LMO4: variants seen among roughly 807,000 people sequenced by gnomAD.
The protein encoded by LMO4 is LIM domain transcription factor LMO4.
In LMO4, 3 loss-of-function variants were observed where a neutral mutation model predicts 18.5. The observed-to-expected ratio is 0.16, with a 90% confidence interval of 0.07 to 0.42. The LOEUF (loss-of-function observed/expected upper bound fraction) is 0.42. Among genes scored for constraint, LMO4 ranks in the 10% least tolerant of loss-of-function variants. The pLI is 0.99. For synonymous variants in LMO4, 100 were observed against 88.1 expected, an observed-to-expected ratio of 1.14 and a Z score of -0.76; for missense variants, 121 against 219.9, an observed-to-expected ratio of 0.55 and a Z score of 2.84.
intron 4 of LMO4, among the ~76,000 whole-genome samples, chr1:87,340,544 T>C (rs1050927686): frequency 2.0e-5 from 3 of 151,900 alleles, no homozygotes; most frequent in African/African-American, 4.9e-5. Context: ...ATGTGATAGG[T>C]TATTGTGGAA....
At chr1:87,334,330 C>A (rs918531495) in intron 2 of LMO4, among the ~76,000 whole-genome samples, 1 of 152,172 alleles carries the variant, frequency 6.6e-6, no homozygotes, top group Non-Finnish European at 1.5e-5. Flanking sequence ...TAGCTCAGGG[C>A]TCACCAGCAG....
intron 4 of LMO4, among the ~76,000 whole-genome samples, chr1:87,341,319 T>C (rs1650467538): frequency 6.6e-6 from 1 of 152,206 alleles, no homozygotes; most frequent in Non-Finnish European, 1.5e-5. Flanking sequence ...TATGTTTGAC[T>C]TTTTCATCAT....
chr1:87,340,582 AAG>A lies in LMO4; in HGVS notation c.489+384_489+385del, dbSNP rs1174615789. ...AAAATTAGAACATTTATGGTAGGAA[AAG>A]AGAATAAAGATCTTTGTTATGAAAG... is the stretch of plus-strand genomic sequence containing the variant. On this transcript the variant is annotated intron_variant, in intron 4 of 4. Coordinates refer to ENST00000370544, the MANE Select transcript of LMO4 (RefSeq NM_006769.4). Among the ~76,000 whole-genome samples the A allele has an allele frequency of 3.3e-5, 5 of 152,244 alleles. 1 individual carries two copies. The highest frequency in any genetic ancestry group is 1.3e-4 in the Admixed American group (2 of 15,286).
At position 87,329,231 on chromosome 1, in the gene LMO4, T is replaced by C. The variant is rs1252643579; in HGVS notation, c.-17T>C. 6.6e-6 allele frequency: 1 copy of C among 151,306 alleles called. No individual in the cohort carries two copies. Among genetic ancestry groups the C allele is most frequent in the Non-Finnish European group, 1.5e-5 (1 of 67,770 alleles). 9.4% of individuals were successfully genotyped at this position (151,306 alleles called of 1,614,324 possible). A position where few individuals can be genotyped will look rare whatever the true frequency, so the allele number is the denominator to read the frequency against. The stretch of plus-strand genomic sequence containing the variant: ...CGCCGCCTCTCGCAATATTGCAATA[T>C]AGGGGAAAAGCAGGTAAGGGGGCGG... On this transcript the variant is annotated 5_prime_UTR_variant, in exon 1 of 5. Coordinates refer to ENST00000370544, the MANE Select transcript of LMO4 (RefSeq NM_006769.4).
intron 3 of LMO4, 138 bp from the exon 4 acceptor site, chr1:87,339,909 G>T: frequency 1.0e-6 from 1 of 970,946 alleles, no homozygotes; most frequent in Non-Finnish European, 1.5e-6. Context: ...CTGGAGATCT[G>T]TCAAAGGAAG....
At chr1:87,330,003 TC>T (rs376558795) in intron 1 of LMO4, among the ~76,000 whole-genome samples, 5 of 146,784 alleles carry the variant, frequency 3.4e-5, no homozygotes, top group Admixed American at 6.7e-5. Context: ...TTAAAAGCTT[TC>T]TTTTTTTTTT....
intron 3 of LMO4, 69 bp downstream of exon 3, chr1:87,339,701 GC>G (rs1650418546): frequency 1.0e-6 from 1 of 968,018 alleles, no homozygotes; most frequent in Non-Finnish European, 1.6e-6. Context: ...TGGGGGCAAA[GC>G]ATTTCTCCTT....
chr1:87,342,733 A>G (rs1474589877), intron 4 of LMO4, among the ~76,000 whole-genome samples: 3 of 152,134 alleles, frequency 2.0e-5, no homozygotes, highest in African/African-American at 7.2e-5. Flanking sequence ...TTCACAAGGT[A>G]GTTTTTATAA....
intron 1 of LMO4, 163 bp from the exon 2 acceptor site, chr1:87,331,850 T>TGGAGTGTAGA: frequency 1.7e-6 from 1 of 596,240 alleles, no homozygotes; most frequent in Non-Finnish European, 2.9e-6. Flanking sequence ...GCCTCCCTTC[T>TGGAGTGTAGA]TCCCTCTCCC....
At chr1:87,333,542 G>A (rs1650211239) in intron 2 of LMO4, among the ~76,000 whole-genome samples, 1 of 152,218 alleles carries the variant, frequency 6.6e-6, no homozygotes, top group African/African-American at 2.4e-5. Context: ...TCCGAGCTGA[G>A]TGTGGATATG....
At chr1:87,331,912 G>A (rs1195583841) in intron 1 of LMO4, 101 bp from the exon 2 acceptor site, 1 of 944,488 alleles carries the variant, frequency 1.1e-6, no homozygotes, top group African/African-American at 1.6e-5. Context: ...GCAGCTCCGC[G>A]GGGAGGAGGG....
At chr1:87,339,227 CTT>C (rs34448167) in intron 2 of LMO4, among the ~76,000 whole-genome samples, 18 of 147,894 alleles carry the variant, frequency 1.2e-4, no homozygotes, top group South Asian at 2.2e-4. Context: ...TGAATTGTAT[CTT>C]TTTTTTTTTT....
chr1:87,332,258 CTT>C lies in LMO4; in HGVS notation c.236+9_236+10del, dbSNP rs776350133. ...GCAGAAATGACTACATTAGGTAAGACTTTGCTGTCTTTCCTGGAGATGGGGGG... is the reference window on the plus strand; with the variant it reads ...GCAGAAATGACTACATTAGGTAAGACTGCTGTCTTTCCTGGAGATGGGGGG... On this transcript the variant is annotated splice_region_variant and intron_variant, in intron 2 of 4. Coordinates refer to ENST00000370544, the MANE Select transcript of LMO4 (RefSeq NM_006769.4). The C allele has an allele frequency of 3.1e-6, 5 of 1,600,236 alleles. No individual in the cohort carries two copies. The highest frequency in any genetic ancestry group is 4.3e-6 in the Non-Finnish European group (5 of 1,167,878).
At position 87,341,035 on chromosome 1, in the gene LMO4, A is replaced by G. The variant is rs1424473031; in HGVS notation, c.489+833A>G. Among the ~76,000 whole-genome samples, 15 of 152,218 alleles carry G rather than the reference A, an allele frequency of 9.9e-5. 1 individual carries two copies. Among genetic ancestry groups the G allele is most frequent in the Admixed American group, 9.8e-4 (15 of 15,276 alleles). ...CCTTAATAAGTCCTATAGCTATGCA[A>G]GTGAGTGCATTTTGATAACTGCTGT... On this transcript the variant is annotated intron_variant, in intron 4 of 4. Coordinates refer to ENST00000370544, the MANE Select transcript of LMO4 (RefSeq NM_006769.4).
At chr1:87,336,037 TC>T (rs1446840414) in intron 2 of LMO4, among the ~76,000 whole-genome samples, 1 of 151,328 alleles carries the variant, frequency 6.6e-6, no homozygotes, top group Non-Finnish European at 1.5e-5. Flanking sequence ...ATTTTTTTTT[TC>T]CTATTATGCA....
At chr1:87,334,868 T>G (rs552988398) in intron 2 of LMO4, among the ~76,000 whole-genome samples, 71 of 152,302 alleles carry the variant, frequency 4.7e-4, no homozygotes, top group African/African-American at 1.7e-3. Flanking sequence ...TTAAAAGCTT[T>G]AATTAGTGGC....
Position 87,347,665 on chromosome 1 carries a change from A to G in LMO4, c.*2869A>G, listed in dbSNP as rs1650673477. 6.6e-6 allele frequency: 1 copy of G among 151,276 alleles called. No individual in the cohort carries two copies. The highest frequency in any genetic ancestry group is 1.5e-5 in the Non-Finnish European group (1 of 68,030). 9.4% of individuals were successfully genotyped at this position (151,276 alleles called of 1,614,324 possible). A position where few individuals can be genotyped will look rare whatever the true frequency, so the allele number is the denominator to read the frequency against. ...AGCCCTGCTGAACTCCTGATAAAAA[A>G]AATTATGTTTATGGTACATATAAAT... On this transcript the variant is annotated 3_prime_UTR_variant, in exon 5 of 5. Transcript: ENST00000370544.
chr1:87,344,717 C>A, intron 4 of LMO4, 71 bp from the exon 5 acceptor site: 2 of 1,447,038 alleles, frequency 1.4e-6, no homozygotes, highest in Non-Finnish European at 1.9e-6. Flanking sequence ...AAGACAAAAG[C>A]AGTCATGTTT....
intron 4 of LMO4, among the ~76,000 whole-genome samples, chr1:87,343,060 G>A (rs888914807): frequency 1.3e-5 from 2 of 152,104 alleles, no homozygotes; most frequent in African/African-American, 4.8e-5. Context: ...TATTATGCGT[G>A]GTAAATATAC....
Sources: gnomAD v4.1 joint callset for allele counts (sites outside exome capture counted in the v4.1 genomes callset) on GRCh38, gnomAD v4.1.1 for gene constraint, MANE v1.5 for transcripts, NCBI Gene and HGNC (gene_info 2026-07-23, HGNC 2026-07-21) for gene names.